The following TBC1D32 variants were observed in gnomAD, a reference collection of about 807,000 sequenced individuals.
TBC1D32 encodes protein broad-minded.
TBC1D32 carries 151 observed loss-of-function variants against 170.3 expected under a neutral mutation model. The observed-to-expected ratio is 0.89, with a 90% confidence interval of 0.78 to 1.01. The LOEUF is 1.01. Among genes scored for constraint, TBC1D32 ranks in the 50% least tolerant of loss-of-function variants. The pLI is 0.00. For synonymous variants in TBC1D32, 498 were observed against 488.0 expected, an observed-to-expected ratio of 1.02 and a Z score of -0.27; for missense variants, 1,464 against 1,457.1, an observed-to-expected ratio of 1.00 and a Z score of -0.08.
intron 1 of TBC1D32, among the ~76,000 whole-genome samples, chr6:121,330,529 T>C (rs1264876408): frequency 6.6e-6 from 1 of 152,164 alleles, no homozygotes; most frequent in African/African-American, 2.4e-5. Context: ...TTAAAATCAT[T>C]AGAATTGGTA....
intron 21 of TBC1D32, among the ~76,000 whole-genome samples, chr6:121,222,919 A>G (rs1794680087): frequency 6.6e-6 from 1 of 152,202 alleles, no homozygotes; most frequent in Admixed American, 6.5e-5. Flanking sequence ...ATGAAGCAGC[A>G]TCACTGGTTT....
chr6:121,310,653 C>T, intron 4 of TBC1D32, 126 bp downstream of exon 4: 1 of 674,910 alleles, frequency 1.5e-6, no homozygotes, highest in South Asian at 1.7e-5. Context: ...GGATATCAGT[C>T]CAGGATTGCC....
intron 10 of TBC1D32, among the ~76,000 whole-genome samples, chr6:121,295,744 C>T (rs1432524698): frequency 9.2e-5 from 14 of 152,110 alleles, no homozygotes; most frequent in Non-Finnish European, 1.8e-4. Flanking sequence ...TGAAAAGAAG[C>T]AAGTTCATAA....
chr6:121,103,448 G>A (rs906358032), intron 30 of TBC1D32, among the ~76,000 whole-genome samples: 8 of 151,736 alleles, frequency 5.3e-5, no homozygotes, highest in African/African-American at 1.9e-4. Flanking sequence ...CATGGATGAA[G>A]CTGGAAACCA....
At chr6:121,189,684 A>T (rs1789689157) in intron 22 of TBC1D32, among the ~76,000 whole-genome samples, 1 of 152,056 alleles carries the variant, frequency 6.6e-6, no homozygotes, top group Non-Finnish European at 1.5e-5. Flanking sequence ...CCCAGGAGAC[A>T]TCAATATATA....
chr6:121,234,747 T>A (rs1796132842), intron 20 of TBC1D32, among the ~76,000 whole-genome samples: 1 of 152,152 alleles, frequency 6.6e-6, no homozygotes, highest in African/African-American at 2.4e-5. Flanking sequence ...TTGGATCTAT[T>A]GCTGATGAGC....
At chr6:121,301,162 C>T (rs559909996) in intron 9 of TBC1D32, among the ~76,000 whole-genome samples, 90 of 152,214 alleles carry the variant, frequency 5.9e-4, no homozygotes, top group African/African-American at 2.1e-3. Flanking sequence ...ACTAGAAATA[C>T]CATTTGACCC....
At chr6:121,283,736 C>T (rs546324644) in intron 13 of TBC1D32, 82 bp downstream of exon 13, 4 of 1,008,144 alleles carry the variant, frequency 4.0e-6, no homozygotes, top group Non-Finnish European at 5.9e-6. Context: ...GTAGGTCAGG[C>T]ACTCAAAACA....
At chr6:121,098,735 G>A (rs1293567360) in intron 30 of TBC1D32, among the ~76,000 whole-genome samples, 1 of 151,924 alleles carries the variant, frequency 6.6e-6, no homozygotes, top group Admixed American at 6.6e-5. Flanking sequence ...CAGAAGCAGT[G>A]TACAAAGTGT....
chr6:121,106,039 C>A lies in TBC1D32; in HGVS notation c.3449G>T (p.Gly1150Val). 1 of 1,606,528 alleles carries A rather than the reference C, an allele frequency of 6.2e-7. No homozygotes were observed. The highest frequency in any genetic ancestry group is 8.5e-7 in the Non-Finnish European group (1 of 1,174,936). The change falls in exon 30 of 32, where the codon GGT (glycine) becomes GTT (valine). Residue 1150 changes from glycine to valine, a missense_variant. Around this residue, in one of 3 missense-constraint regions of TBC1D32, gnomAD observed 1,363 missense variants for 1,338.1 expected, o/e 1.02. Transcript: ENST00000398212. ...ATGGATTACCTGTGATGGTGCAAAA[C>A]CAGACATGTGAAAAGCTGAAAACAC... ...PLVFSAFHMS[G>V]FAPSQICLQW... is the part of the protein sequence containing the mutation.
intron 28 of TBC1D32, 100 bp downstream of exon 28, chr6:121,112,962 A>C: frequency 6.0e-6 from 5 of 832,118 alleles, no homozygotes; most frequent in Non-Finnish European, 9.5e-6. Flanking sequence ...TATAGCTTAA[A>C]GTACTACTTT....
intron 24 of TBC1D32, among the ~76,000 whole-genome samples, chr6:121,138,415 CT>C (rs1782382236): frequency 6.6e-6 from 1 of 152,148 alleles, no homozygotes; most frequent in Admixed American, 6.5e-5. Context: ...TCTATTTTCT[CT>C]GCTATAGATA....
intron 21 of TBC1D32, among the ~76,000 whole-genome samples, chr6:121,208,381 G>C (rs1472150726): frequency 6.6e-6 from 1 of 152,122 alleles, no homozygotes; most frequent in East Asian, 1.9e-4. Flanking sequence ...ATGGCAGCAG[G>C]AAGGAGAAGT....
At chr6:121,171,794 G>C (rs942799376) in intron 22 of TBC1D32, among the ~76,000 whole-genome samples, 1 of 152,046 alleles carries the variant, frequency 6.6e-6, no homozygotes, top group Admixed American at 6.6e-5. Flanking sequence ...ATTATAAAAA[G>C]TGTTCAAACA....
intron 29 of TBC1D32, among the ~76,000 whole-genome samples, chr6:121,107,259 T>G (rs73768903): frequency 0.077 from 11,774 of 151,984 alleles, 907 homozygotes; most frequent in African/African-American, 0.2. Context: ...AGGATGCTTT[T>G]AAGAATTTAG....
At chr6:121,190,078 ACACACACACACACACAC>A (rs1789757515) in intron 22 of TBC1D32, among the ~76,000 whole-genome samples, 3 of 28,172 alleles carry the variant, frequency 1.1e-4, no homozygotes, top group African/African-American at 1.8e-4. Flanking sequence ...ATACAGACAC[ACACACACACACACACAC>A]ACACACACAC....
intron 31 of TBC1D32, among the ~76,000 whole-genome samples, chr6:121,081,513 G>T (rs988585976): frequency 1.3e-5 from 2 of 151,924 alleles, no homozygotes; most frequent in African/African-American, 4.8e-5. Flanking sequence ...AACAAAATAT[G>T]CGAAGAAAAG....
chr6:121,091,244 T>C (rs182564375), intron 30 of TBC1D32, among the ~76,000 whole-genome samples: 68 of 152,306 alleles, frequency 4.5e-4, no homozygotes, highest in Middle Eastern at 6.8e-3. Context: ...GGCCTTGGAA[T>C]TCAGGCCTTA....
intron 20 of TBC1D32, among the ~76,000 whole-genome samples, chr6:121,232,720 A>T (rs1027870200): frequency 2.0e-5 from 3 of 150,998 alleles, no homozygotes; most frequent in African/African-American, 7.3e-5. Flanking sequence ...TTTTTATTTG[A>T]TTCTCAGCTT....
Sources: allele counts gnomAD v4.1 joint callset (sites outside exome capture counted in the v4.1 genomes callset), GRCh38; gene constraint gnomAD v4.1.1; regional missense constraint gnomAD v4.1.1; transcripts MANE v1.5; gene names NCBI Gene and HGNC (gene_info 2026-07-23, HGNC 2026-07-21).